Variants in KDM4C observed in about 807,000 individuals in gnomAD.
The protein encoded by KDM4C is lysine-specific demethylase 4C.
KDM4C carries 81 observed loss-of-function variants against 129.3 expected under a neutral mutation model. The ratio of observed to expected loss-of-function variants is 0.63; its 90% CI spans 0.52 to 0.75. The LOEUF is 0.75. Ranked by LOEUF, KDM4C falls within the 30% of genes least tolerant of loss-of-function variation. The pLI is 0.00. For missense variants in KDM4C, 1,457 were observed against 1,304.0 expected (o/e 1.12, Z -1.81); for synonymous variants, 573 against 456.1 (o/e 1.26, Z -3.26).
chr9:7,021,078 C>G (rs1449017589), intron 15 of KDM4C, among the ~76,000 whole-genome samples: 1 of 151,144 alleles, frequency 6.6e-6, no homozygotes, highest in South Asian at 2.1e-4. Flanking sequence ...TGGTTGAGCA[C>G]CTTTTCATAC....
chr9:7,165,075 CT>C (rs1383810300), intron 19 of KDM4C, among the ~76,000 whole-genome samples, 162 bp from the exon 20 acceptor site: 11 of 152,068 alleles, frequency 7.2e-5, no homozygotes, highest in African/African-American at 2.4e-4. Flanking sequence ...TTAAATACTC[CT>C]TTGGCTCATA....
At chr9:7,123,588 G>C (rs1839730101) in intron 18 of KDM4C, among the ~76,000 whole-genome samples, 1 of 152,180 alleles carries the variant, frequency 6.6e-6, no homozygotes. Flanking sequence ...CAGTGTTACA[G>C]ACACCGTGCT....
chr9:6,985,299 C>T (rs1817496083), intron 10 of KDM4C, among the ~76,000 whole-genome samples: 3 of 152,230 alleles, frequency 2.0e-5, no homozygotes, highest in Non-Finnish European at 4.4e-5. Context: ...AAAAAGTCTT[C>T]ACATAGTCCT....
chr9:6,728,066 C>CAAAAAAAAAA (rs574486528), intron 1 of KDM4C, among the ~76,000 whole-genome samples: 2 of 73,930 alleles, frequency 2.7e-5, no homozygotes, highest in African/African-American at 5.8e-5. Context: ...CATGAAGCTG[C>CAAAAAAAAAA]AAAAAAAAAA....
Position 6,893,169 on chromosome 9 carries a change from C to T in KDM4C, c.858C>T (p.Asn286=). The part of the protein sequence containing the change: ...GYHAGFNHGF[N]CAESTNFATV... Reference sequence around the variant, plus strand: ...ATGCTGGTTTTAATCATGGTTTCAACTGTGCAGAATCTACAAATTTTGCTA... The same window carrying T: ...ATGCTGGTTTTAATCATGGTTTCAATTGTGCAGAATCTACAAATTTTGCTA... The change falls in exon 8 of 22, where the codon AAC becomes AAT. Residue 286 remains asparagine, a synonymous_variant. Transcript: ENST00000381309. 1 of 1,611,298 alleles carries T rather than the reference C, an allele frequency of 6.2e-7. No individual in the cohort carries two copies. The highest frequency in any genetic ancestry group is 8.5e-7 in the Non-Finnish European group (1 of 1,178,652).
chr9:7,074,548 T>C (rs1833651405), intron 17 of KDM4C, among the ~76,000 whole-genome samples: 1 of 152,196 alleles, frequency 6.6e-6, no homozygotes, highest in African/African-American at 2.4e-5. Context: ...GTATAAATGA[T>C]GTTTGACCAC....
intron 4 of KDM4C, among the ~76,000 whole-genome samples, chr9:6,832,769 C>G (rs1447943739): frequency 7.0e-6 from 1 of 143,392 alleles, no homozygotes; most frequent in African/African-American, 2.6e-5. Context: ...CTCTTGTTGC[C>G]CAAGCTAGAG....
At chr9:6,933,583 T>C (rs1308673999) in intron 8 of KDM4C, among the ~76,000 whole-genome samples, 2 of 152,240 alleles carry the variant, frequency 1.3e-5, no homozygotes, top group African/African-American at 2.4e-5. Flanking sequence ...GAATGCTGTG[T>C]AATAATTAAC....
intron 8 of KDM4C, among the ~76,000 whole-genome samples, chr9:6,948,546 G>C (rs903704561): frequency 3.1e-4 from 46 of 147,642 alleles, no homozygotes; most frequent in Admixed American, 2.9e-3. Flanking sequence ...GGATTTGGCA[G>C]GGTCATAGGA....
intron 12 of KDM4C, among the ~76,000 whole-genome samples, chr9:6,991,773 C>T (rs920871977): frequency 6.6e-6 from 1 of 152,172 alleles, no homozygotes; most frequent in Admixed American, 6.5e-5. Context: ...TAGTGGCTGA[C>T]TCCTGCAGTC....
chr9:7,092,211 A>T (rs1376274873), intron 17 of KDM4C, among the ~76,000 whole-genome samples: 1 of 152,174 alleles, frequency 6.6e-6, no homozygotes, highest in African/African-American at 2.4e-5. Flanking sequence ...TGTATCCATT[A>T]TTCCATTAAT....
intron 6 of KDM4C, among the ~76,000 whole-genome samples, chr9:6,884,680 T>A (rs1844987660): frequency 6.6e-6 from 1 of 152,208 alleles, no homozygotes; most frequent in Non-Finnish European, 1.5e-5. Context: ...TCCCCTTTCC[T>A]AAAAAGTTAA....
At chr9:6,955,679 TA>T (rs1828939829) in intron 8 of KDM4C, among the ~76,000 whole-genome samples, 1 of 152,228 alleles carries the variant, frequency 6.6e-6, no homozygotes. Flanking sequence ...TCTTCTTATG[TA>T]AAATAGTTAT....
chr9:6,786,677 A>C (rs10975829), intron 1 of KDM4C, among the ~76,000 whole-genome samples: 5,363 of 152,286 alleles, frequency 0.035, 140 homozygotes, highest in Non-Finnish European at 0.051. Flanking sequence ...GTAAAAGAGA[A>C]ACAAGAGGGA....
rs569567713 is a variant in KDM4C, at chr9:6,726,788, T to A, written c.49+5791T>A. On this transcript the variant is annotated intron_variant, in intron 1 of 17. Coordinates refer to the KDM4C transcript ENST00000536108. ...TCTTGCTCTGTCTCCTAGGCTGGAGTGCAGTGGCTCAATCTGGGCTCACTG... is the reference window on the plus strand; with the variant it reads ...TCTTGCTCTGTCTCCTAGGCTGGAGAGCAGTGGCTCAATCTGGGCTCACTG... Among the ~76,000 whole-genome samples the A allele has an allele frequency of 1.8e-3, 272 of 152,260 alleles. 1 individual carries two copies. Among genetic ancestry groups the A allele is most frequent in the African/African-American group, 6.3e-3 (261 of 41,566 alleles).
At chr9:6,832,251 A>G (rs62533756) in intron 4 of KDM4C, among the ~76,000 whole-genome samples, 40,350 of 148,350 alleles carry the variant, frequency 0.27, 5,572 homozygotes, top group African/African-American at 0.32. Context: ...GAGGCAGGAG[A>G]ATGGTGTGAA....
chr9:7,113,493 G>A (rs774840169), intron 18 of KDM4C, among the ~76,000 whole-genome samples: 1 of 152,074 alleles, frequency 6.6e-6, no homozygotes. Context: ...TTTTCCCACT[G>A]CTGATCTTTT....
chr9:7,165,017 C>G (rs1331642630), intron 19 of KDM4C, among the ~76,000 whole-genome samples: 1 of 151,854 alleles, frequency 6.6e-6, no homozygotes, highest in Non-Finnish European at 1.5e-5. Flanking sequence ...TTTTTTTCTG[C>G]TTGGATTATG....
chr9:7,033,907 T>C (rs1418083454), intron 15 of KDM4C, among the ~76,000 whole-genome samples: 1 of 152,016 alleles, frequency 6.6e-6, no homozygotes, highest in Admixed American at 6.5e-5. Context: ...TCTTTTGCAA[T>C]GAGGAGAGAG....
Sources: allele counts gnomAD v4.1 joint callset (sites outside exome capture counted in the v4.1 genomes callset), GRCh38; gene constraint gnomAD v4.1.1; transcripts MANE v1.5; gene names NCBI Gene and HGNC (gene_info 2026-07-23, HGNC 2026-07-21).